The following GPR39 variants were observed in gnomAD, a reference collection of about 807,000 sequenced individuals.
GPR39 encodes zinc sensing receptor.
In GPR39, 23 loss-of-function variants were observed where a neutral mutation model predicts 18.4. The ratio of observed to expected loss-of-function variants is 1.25; its 90% CI spans 0.90 to 1.77. The LOEUF is 1.77. GPR39 is among the 40% of genes most tolerant of loss of function. The pLI is 0.00. For missense variants in GPR39, 647 were observed against 602.4 expected (o/e 1.07, Z -0.78); for synonymous variants, 280 against 257.9 (o/e 1.09, Z -0.82).
At chr2:132,609,374 C>T (rs796135044) in intron 1 of GPR39, among the ~76,000 whole-genome samples, 17 of 152,138 alleles carry the variant, frequency 1.1e-4, no homozygotes, top group African/African-American at 4.1e-4. Flanking sequence ...CTCTGGCTCA[C>T]GTAAAACCTG....
intron 1 of GPR39, among the ~76,000 whole-genome samples, chr2:132,489,277 T>C (rs1293450602): frequency 1.3e-5 from 2 of 152,108 alleles, no homozygotes; most frequent in African/African-American, 4.8e-5. Flanking sequence ...GCAATGACCT[T>C]TTCCCCATTG....
At chr2:132,448,223 C>G (rs1263151118) in intron 1 of GPR39, among the ~76,000 whole-genome samples, 1 of 152,134 alleles carries the variant, frequency 6.6e-6, no homozygotes, top group Non-Finnish European at 1.5e-5. Context: ...GGACAAGACT[C>G]TCCTGGCATA....
chr2:132,437,473 AGT>A (rs1466748612), intron 1 of GPR39, among the ~76,000 whole-genome samples: 2 of 152,076 alleles, frequency 1.3e-5, no homozygotes, highest in Non-Finnish European at 2.9e-5. Flanking sequence ...GAATGTGTGA[AGT>A]GTAGGCCCTG....
intron 1 of GPR39, among the ~76,000 whole-genome samples, chr2:132,451,643 CCTCTA>C (rs1680634704): frequency 6.6e-6 from 1 of 152,052 alleles, no homozygotes; most frequent in Non-Finnish European, 1.5e-5. Flanking sequence ...TGCCTCTCAT[CCTCTA>C]CTCTATTTCA....
chr2:132,420,590 T>C (rs147488725), intron 1 of GPR39, among the ~76,000 whole-genome samples: 55 of 152,338 alleles, frequency 3.6e-4, no homozygotes, highest in African/African-American at 1.1e-3. Flanking sequence ...TTTCAAACAT[T>C]TTAAATTTAA....
intron 1 of GPR39, among the ~76,000 whole-genome samples, chr2:132,492,456 A>G (rs1156676219): frequency 7.1e-6 from 1 of 141,750 alleles, no homozygotes; most frequent in Non-Finnish European, 1.5e-5. Flanking sequence ...ATATATACAC[A>G]CCATATATAC....
chr2:132,510,186 G>A (rs560775529), intron 1 of GPR39, among the ~76,000 whole-genome samples: 1 of 152,298 alleles, frequency 6.6e-6, no homozygotes, highest in Non-Finnish European at 1.5e-5. Context: ...GCACTGGGAT[G>A]GTTTTTGTGA....
At chr2:132,465,664 A>G (rs1368326713) in intron 1 of GPR39, among the ~76,000 whole-genome samples, 1 of 152,240 alleles carries the variant, frequency 6.6e-6, no homozygotes, top group African/African-American at 2.4e-5. Context: ...CGTTTGAAGG[A>G]GAACTACTTA....
At chr2:132,586,361 G>A (rs1376133244) in intron 1 of GPR39, among the ~76,000 whole-genome samples, 1 of 152,154 alleles carries the variant, frequency 6.6e-6, no homozygotes, top group Admixed American at 6.5e-5. Context: ...AAAACGGTCT[G>A]GTGACAGGCG....
intron 1 of GPR39, among the ~76,000 whole-genome samples, chr2:132,614,199 GTTTTGT>G (rs965977786): frequency 3.3e-5 from 5 of 149,702 alleles, no homozygotes; most frequent in South Asian, 2.1e-4. Context: ...TTTTTGTTTT[GTTTTGT>G]TTTTGTTTTT....
intron 1 of GPR39, among the ~76,000 whole-genome samples, chr2:132,578,901 C>G (rs1680576176): frequency 6.6e-6 from 1 of 151,972 alleles, no homozygotes; most frequent in Non-Finnish European, 1.5e-5. Flanking sequence ...AGAAATGTTT[C>G]AAGTTCATCA....
At chr2:132,567,852 G>A (rs1573672149) in intron 1 of GPR39, among the ~76,000 whole-genome samples, 1 of 151,546 alleles carries the variant, frequency 6.6e-6, no homozygotes, top group Non-Finnish European at 1.5e-5. Flanking sequence ...TAAGTTTCAC[G>A]AGATCTGATG....
intron 1 of GPR39, chr2:132,418,555 A>C (rs1315701220): frequency 6.6e-6 from 1 of 152,200 alleles, no homozygotes; most frequent in Non-Finnish European, 1.5e-5. Context: ...CGGCCTGTTT[A>C]TCTGATCCAG....
chr2:132,607,119 A>G (rs940046295), intron 1 of GPR39, among the ~76,000 whole-genome samples: 5 of 152,360 alleles, frequency 3.3e-5, no homozygotes, highest in Non-Finnish European at 7.3e-5. Context: ...AAAAGGAAGC[A>G]GGGAGTATTC....
At chr2:132,638,385 C>T (rs1681802423) in intron 1 of GPR39, among the ~76,000 whole-genome samples, 1 of 152,214 alleles carries the variant, frequency 6.6e-6, no homozygotes, top group Non-Finnish European at 1.5e-5. Flanking sequence ...CAGTGTTCTC[C>T]AACTTGTGTG....
chr2:132,488,975 T>C (rs887506728), intron 1 of GPR39: 1 of 154,258 alleles, frequency 6.5e-6, no homozygotes, highest in African/African-American at 2.4e-5. Flanking sequence ...TCTCTCACTA[T>C]TGAGGACCCC....
At chr2:132,443,354 T>C (rs1680474286) in intron 1 of GPR39, among the ~76,000 whole-genome samples, 1 of 152,218 alleles carries the variant, frequency 6.6e-6, no homozygotes, top group African/African-American at 2.4e-5. Context: ...TATGATATTT[T>C]GATGTTAGGA....
chr2:132,426,054 C>T lies in GPR39; in HGVS notation c.856+8156C>T, dbSNP rs532950242. On this transcript the variant is annotated intron_variant, in intron 1 of 1. Coordinates refer to ENST00000329321, the MANE Select transcript of GPR39 (RefSeq NM_001508.3). ...ATAGAAAACGAATGGATTCACTGAA[C>T]TCTGCTGAAAGGAGCTCCCAGGTAA... Among the ~76,000 whole-genome samples, 3 of 152,302 alleles carry T rather than the reference C, an allele frequency of 2.0e-5. No individual in the cohort carries two copies. In the East Asian group the frequency reaches 5.8e-4, roughly 29 times the overall value.
At chr2:132,573,037 GCC>G (rs1680467666) in intron 1 of GPR39, among the ~76,000 whole-genome samples, 2 of 152,120 alleles carry the variant, frequency 1.3e-5, no homozygotes, top group South Asian at 2.1e-4. Context: ...TGAAATGGTG[GCC>G]CTTGCTCCCA....
Sources: allele counts gnomAD v4.1 joint callset (sites outside exome capture counted in the v4.1 genomes callset), GRCh38; gene constraint gnomAD v4.1.1; transcripts MANE v1.5; gene names NCBI Gene and HGNC (gene_info 2026-07-23, HGNC 2026-07-21).